WDR12: variants seen among roughly 807,000 people sequenced by gnomAD.
WDR12 encodes WD repeat domain 12, also known as ribosome biogenesis protein WDR12.
A neutral mutation model predicts 64.3 loss-of-function variants in WDR12; 42 were observed. That is an observed-to-expected ratio of 0.65 (90% CI 0.51 to 0.84). WDR12 has a LOEUF of 0.84. Among genes scored for constraint, WDR12 ranks in the 40% least tolerant of loss-of-function variants. The pLI, the probability that WDR12 is intolerant of heterozygous loss-of-function variation, is 0.00. For synonymous variants in WDR12, 158 were observed against 173.3 expected (o/e 0.91, Z 0.70); for missense variants, 469 against 494.6 (o/e 0.95, Z 0.49).
rs537710638 is a variant in WDR12, at chr2:202,903,496, G to T, written c.137-2377C>A. Among the ~76,000 whole-genome samples the T allele has an allele frequency of 6.7e-3, 583 of 87,440 alleles. 1 individual carries two copies. Among genetic ancestry groups the T allele is most frequent in the African/African-American group, 0.02 (530 of 26,146 alleles). 57.4% of individuals were successfully genotyped at this position (87,440 alleles called of 152,430 possible). ...GGAAGGAAGGAAGGAAGGAAGGAAG[G>T]AAGGAAGTGAGGGAGGGAGGGAGGG... is the stretch of plus-strand genomic sequence containing the variant. On this transcript the variant is annotated intron_variant, in intron 2 of 12. Coordinates refer to ENST00000261015, the MANE Select transcript of WDR12 (RefSeq NM_018256.4).
At chr2:202,889,508 C>A (rs1279302322) in intron 8 of WDR12, among the ~76,000 whole-genome samples, 1 of 151,488 alleles carries the variant, frequency 6.6e-6, no homozygotes, top group Non-Finnish European at 1.5e-5. Flanking sequence ...AAATGAATAA[C>A]AACAACTTAA....
rs1449472188 is a variant in WDR12, at chr2:202,894,566, A to G, written c.655+15T>C. ...CAACATTATTAAGTCAAGGTAAAAT[A>G]AATATTTAATTTACCTGTAGACCAG... On this transcript the variant is annotated intron_variant, in intron 7 of 12. Transcript: ENST00000261015. The G allele has an allele frequency of 6.3e-7, 1 of 1,591,830 alleles. No homozygotes were observed. Among genetic ancestry groups the G allele is most frequent in the Non-Finnish European group, 8.5e-7 (1 of 1,170,732 alleles).
intron 1 of WDR12, among the ~76,000 whole-genome samples, chr2:202,909,538 T>A (rs1028736753): frequency 2.0e-5 from 3 of 152,136 alleles, no homozygotes; most frequent in Non-Finnish European, 4.4e-5. Flanking sequence ...GGGTATTATT[T>A]AACAAACAGC....
intron 3 of WDR12, 24 bp downstream of exon 3, chr2:202,901,001 C>T: frequency 2.6e-6 from 4 of 1,539,984 alleles, no homozygotes; most frequent in Non-Finnish European, 3.5e-6. Flanking sequence ...AAGTGAAATA[C>T]AGAAGATAAG....
chr2:202,910,760 A>T (rs1688585447), intron 1 of WDR12, among the ~76,000 whole-genome samples: 1 of 152,192 alleles, frequency 6.6e-6, no homozygotes, highest in African/African-American at 2.4e-5. Context: ...AAGATGATTT[A>T]CTAGCTCTCC....
At chr2:202,903,290 T>A (rs1241092881) in intron 2 of WDR12, among the ~76,000 whole-genome samples, 1 of 152,126 alleles carries the variant, frequency 6.6e-6, no homozygotes, top group Non-Finnish European at 1.5e-5. Flanking sequence ...TAGAAAAACA[T>A]ACTTCAACAT....
At chr2:202,892,477 C>A in intron 8 of WDR12, 140 bp downstream of exon 8, 1 of 501,250 alleles carries the variant, frequency 2.0e-6, no homozygotes, top group Non-Finnish European at 3.5e-6. Flanking sequence ...ATTTACAAGT[C>A]TACTGAAAAA....
intron 1 of WDR12, among the ~76,000 whole-genome samples, chr2:202,910,529 A>T (rs560331024): frequency 6.6e-6 from 1 of 152,150 alleles, no homozygotes; most frequent in African/African-American, 2.4e-5. Flanking sequence ...TCTCCAAAAA[A>T]ACCAAACCAA....
chr2:202,897,805 C>T (rs896382358), intron 4 of WDR12, among the ~76,000 whole-genome samples: 1 of 144,506 alleles, frequency 6.9e-6, no homozygotes, highest in African/African-American at 2.6e-5. Flanking sequence ...AGGAGAATGG[C>T]GTGAACCCAG....
intron 7 of WDR12, among the ~76,000 whole-genome samples, chr2:202,893,260 T>C (rs1473026151): frequency 6.6e-6 from 1 of 152,136 alleles, no homozygotes; most frequent in African/African-American, 2.4e-5. Flanking sequence ...TGTTACATTA[T>C]ATGTTATATA....
chr2:202,889,167 G>A (rs1292540050), intron 8 of WDR12, among the ~76,000 whole-genome samples: 1 of 152,110 alleles, frequency 6.6e-6, no homozygotes. Context: ...AAAGCTAAAT[G>A]AGAAACTCAA....
intron 7 of WDR12, among the ~76,000 whole-genome samples, chr2:202,892,968 T>G (rs1423956604): frequency 6.6e-6 from 1 of 152,148 alleles, no homozygotes; most frequent in Non-Finnish European, 1.5e-5. Context: ...AAGGTCATCA[T>G]TATAAATATT....
intron 1 of WDR12, 102 bp downstream of exon 1, chr2:202,911,334 T>G: frequency 2.7e-6 from 3 of 1,125,410 alleles, no homozygotes; most frequent in Non-Finnish European, 4.0e-6. Context: ...GAAAAAAGGG[T>G]GGGGGTGACA....
chr2:202,911,167 T>C (rs1223208699), intron 1 of WDR12, among the ~76,000 whole-genome samples: 1 of 152,206 alleles, frequency 6.6e-6, no homozygotes, highest in African/African-American at 2.4e-5. Context: ...GAACCACCAC[T>C]AGCAGACACC....
At position 202,878,278 on chromosome 2, in the gene WDR12, C is replaced by T. The variant is rs1267617276; in HGVS notation, c.*2582G>A. 6.6e-6 allele frequency: 1 copy of T among 152,042 alleles called. No homozygotes were observed. Among genetic ancestry groups the T allele is most frequent in the African/African-American group, 2.4e-5 (1 of 41,392 alleles). The allele number at this position is 152,042 out of a possible 1,614,324, so 9.4% of individuals were successfully genotyped here. A position where few individuals can be genotyped will look rare whatever the true frequency, so the allele number is the denominator to read the frequency against. ...TTTATACAGACTACATTCGGTCAGC[C>T]TAGGTTGGGTGAGTTAAGAAAGACA... On this transcript the variant is annotated 3_prime_UTR_variant, in exon 13 of 13. Coordinates refer to ENST00000261015, the MANE Select transcript of WDR12 (RefSeq NM_018256.4).
chr2:202,874,772 A>C lies in WDR12; in HGVS notation c.*6088T>G, dbSNP rs1687829039. On this transcript the variant is annotated 3_prime_UTR_variant, in exon 13 of 13. Coordinates refer to ENST00000261015, the MANE Select transcript of WDR12 (RefSeq NM_018256.4). The stretch of plus-strand genomic sequence containing the variant: ...AATGAGTAATTAGATACTGCAAGCT[A>C]AACATTCTGTCTCTTCCCTACTACA... The C allele has an allele frequency of 6.6e-6, 1 of 152,216 alleles. No individual in the cohort carries two copies. Among genetic ancestry groups the C allele is most frequent in the Non-Finnish European group, 1.5e-5 (1 of 68,034 alleles). The allele number at this position is 152,216 out of a possible 1,614,324, so 9.4% of individuals were successfully genotyped here. A position where few individuals can be genotyped will look rare whatever the true frequency, so the allele number is the denominator to read the frequency against.
chr2:202,898,393 C>T (rs979969320), intron 4 of WDR12, among the ~76,000 whole-genome samples: 8 of 152,194 alleles, frequency 5.3e-5, no homozygotes, highest in African/African-American at 1.7e-4. Flanking sequence ...TCAAGTGATC[C>T]ACCTGCCTTA....
chr2:202,887,386 T>C (rs1317713563), intron 8 of WDR12, among the ~76,000 whole-genome samples: 2 of 152,184 alleles, frequency 1.3e-5, no homozygotes, highest in Non-Finnish European at 2.9e-5. Context: ...TCCTTAGCTC[T>C]CTGTAGCACA....
At chr2:202,902,034 A>G (rs947089789) in intron 2 of WDR12, among the ~76,000 whole-genome samples, 22 of 152,194 alleles carry the variant, frequency 1.4e-4, no homozygotes, top group Non-Finnish European at 1.3e-4. Flanking sequence ...TTACCTAATT[A>G]TCGGGATTAA....
Sources: allele counts gnomAD v4.1 joint callset (sites outside exome capture counted in the v4.1 genomes callset), GRCh38; gene constraint gnomAD v4.1.1; transcripts MANE v1.5; gene names NCBI Gene and HGNC (gene_info 2026-07-23, HGNC 2026-07-21).